Variants in CUBN observed in about 807,000 individuals in gnomAD.
CUBN encodes the protein cubilin, also known as 460 kDa receptor.
Under a neutral mutation model 405.3 loss-of-function variants are expected in CUBN, and 282 were observed. The ratio of observed to expected loss-of-function variants is 0.70; its 90% CI spans 0.63 to 0.77. CUBN has a LOEUF of 0.77. Ranked by LOEUF, CUBN falls within the 30% of genes least tolerant of loss-of-function variation. The probability of loss-of-function intolerance (pLI) is 0.00; values close to 1 mark genes in which losing one functional copy is unlikely to be tolerated. For missense variants in CUBN, 4,514 were observed against 4,475.2 expected (o/e 1.01, Z -0.25); for synonymous variants, 1,684 against 1,617.0 (o/e 1.04, Z -0.99).
intron 6 of CUBN, among the ~76,000 whole-genome samples, chr10:17,117,304 C>T (rs908130618): frequency 6.6e-6 from 1 of 152,158 alleles, no homozygotes; most frequent in Non-Finnish European, 1.5e-5. Context: ...ATCCAGGAGA[C>T]TTCATTACTA....
At chr10:16,997,492 A>G (rs2131731458) in intron 28 of CUBN, among the ~76,000 whole-genome samples, 1 of 151,780 alleles carries the variant, frequency 6.6e-6, no homozygotes, top group East Asian at 1.9e-4. Context: ...AGAAACTGCC[A>G]GCAAGGACCC....
chr10:16,897,850 G>A (rs965263993), intron 54 of CUBN, among the ~76,000 whole-genome samples: 14 of 152,070 alleles, frequency 9.2e-5, no homozygotes, highest in Non-Finnish European at 1.5e-4. Flanking sequence ...CGGCAGCAGC[G>A]TTGGGCTTGC....
chr10:17,028,335 G>A lies in CUBN; in HGVS notation c.4018-8352C>T, dbSNP rs1377589433. On this transcript the variant is annotated intron_variant, in intron 27 of 66. Transcript: ENST00000377833. Reference sequence around the variant, plus strand: ...AGAAGAACCTGGTTCATAGAACAACGTGAAATCATAGACCTTTGAGCTGGA... The same window carrying A: ...AGAAGAACCTGGTTCATAGAACAACATGAAATCATAGACCTTTGAGCTGGA... Among the ~76,000 whole-genome samples, 3 of 151,954 alleles carry A rather than the reference G, an allele frequency of 2.0e-5. No homozygotes were observed. In the East Asian group the frequency reaches 5.8e-4, roughly 29 times the overall value.
chr10:16,871,540 C>G (rs1292267687), intron 58 of CUBN, among the ~76,000 whole-genome samples: 1 of 151,678 alleles, frequency 6.6e-6, no homozygotes, highest in Non-Finnish European at 1.5e-5. Flanking sequence ...TGATGAGGAA[C>G]AAGATGAAAA....
intron 35 of CUBN, 116 bp from the exon 36 acceptor site, chr10:16,947,483 C>T (rs940248889): frequency 8.9e-7 from 1 of 1,126,798 alleles, no homozygotes; most frequent in East Asian, 2.5e-5. Context: ...ATAGTATTTC[C>T]ATCTCACATT....
At chr10:16,949,467 T>C (rs892757521) in intron 34 of CUBN, among the ~76,000 whole-genome samples, 4 of 141,122 alleles carry the variant, frequency 2.8e-5, no homozygotes, top group Non-Finnish European at 6.4e-5. Flanking sequence ...GTGTGTGTAG[T>C]GTGTGTGTGT....
At chr10:16,998,355 T>C (rs1299714588) in intron 28 of CUBN, among the ~76,000 whole-genome samples, 2 of 152,130 alleles carry the variant, frequency 1.3e-5, no homozygotes, top group African/African-American at 4.8e-5. Flanking sequence ...AGGTCATGTG[T>C]GGATAGAGGC....
chr10:16,908,705 CA>C (rs1158617744), intron 48 of CUBN, among the ~76,000 whole-genome samples: 116 of 151,430 alleles, frequency 7.7e-4, no homozygotes, highest in Non-Finnish European at 1.4e-3. Flanking sequence ...TTTCACAGTT[CA>C]AAAAAAATCT....
intron 25 of CUBN, 59 bp from the exon 26 acceptor site, chr10:17,044,042 T>C: frequency 1.4e-6 from 2 of 1,388,300 alleles, no homozygotes; most frequent in South Asian, 2.4e-5. Flanking sequence ...TGTAAAGGAC[T>C]ATAATCCAGA....
intron 60 of CUBN, among the ~76,000 whole-genome samples, chr10:16,850,008 A>G (rs923016136): frequency 1.3e-5 from 2 of 152,162 alleles, no homozygotes; most frequent in African/African-American, 2.4e-5. Flanking sequence ...CTGCTTCAAC[A>G]CAGCCAGCCT....
At chr10:17,096,576 C>G (rs1267360241) in intron 14 of CUBN, among the ~76,000 whole-genome samples, 1 of 151,930 alleles carries the variant, frequency 6.6e-6, no homozygotes, top group Non-Finnish European at 1.5e-5. Flanking sequence ...CTATAACTTT[C>G]TGACTAAGTA....
intron 66 of CUBN, among the ~76,000 whole-genome samples, chr10:16,826,680 C>T (rs1190769582): frequency 1.3e-5 from 2 of 152,154 alleles, no homozygotes; most frequent in African/African-American, 2.4e-5. Flanking sequence ...GATGTTATCT[C>T]GCTATATACT....
intron 59 of CUBN, among the ~76,000 whole-genome samples, chr10:16,859,217 A>G (rs1470355095): frequency 6.6e-6 from 1 of 152,220 alleles, no homozygotes; most frequent in Non-Finnish European, 1.5e-5. Context: ...ACATTTGCAA[A>G]CCACATACTG....
At chr10:16,843,017 T>C (rs1454946684) in intron 60 of CUBN, among the ~76,000 whole-genome samples, 3 of 152,236 alleles carry the variant, frequency 2.0e-5, no homozygotes, top group African/African-American at 7.2e-5. Context: ...CATAGCATCA[T>C]CCTGTTTTAT....
rs1052001074 is a variant in CUBN at position 16,878,964 on chromosome 10, G to A, written c.8906-1867C>T. Among the ~76,000 whole-genome samples, 5 of 152,318 alleles carry A rather than the reference G, an allele frequency of 3.3e-5. No homozygotes were observed. In the South Asian group the frequency reaches 6.2e-4, roughly 19 times the overall value. Reference sequence around the variant, plus strand: ...GCACATGTTGTTTATCTATTCATCAGTTGACAGACATTTGGTTTGTTTCCA... The same window carrying A: ...GCACATGTTGTTTATCTATTCATCAATTGACAGACATTTGGTTTGTTTCCA... On this transcript the variant is annotated intron_variant, in intron 56 of 66. Transcript: ENST00000377833.
At chr10:17,093,464 T>C (rs897679478) in intron 14 of CUBN, among the ~76,000 whole-genome samples, 2 of 152,122 alleles carry the variant, frequency 1.3e-5, no homozygotes, top group African/African-American at 4.8e-5. Context: ...CTAGGAAATA[T>C]GGCAATCCAC....
chr10:17,100,308 C>T, intron 13 of CUBN, 69 bp from the exon 14 acceptor site: 3 of 1,070,182 alleles, frequency 2.8e-6, no homozygotes, highest in Admixed American at 1.9e-5. Flanking sequence ...TCTCCCACTT[C>T]CTAGGCAGCA....
At chr10:16,983,974 T>C (rs986728284) in intron 30 of CUBN, 131 bp downstream of exon 30, 2 of 955,054 alleles carry the variant, frequency 2.1e-6, no homozygotes, top group African/African-American at 1.6e-5. Context: ...ATATGTCAGG[T>C]CTCAGTAGGC....
intron 57 of CUBN, among the ~76,000 whole-genome samples, chr10:16,875,723 T>C (rs534763321): frequency 6.6e-6 from 1 of 152,328 alleles, no homozygotes; most frequent in African/African-American, 2.4e-5. Flanking sequence ...ATATCAGCAT[T>C]TGAAGTCTTC....
Sources: allele counts gnomAD v4.1 joint callset (sites outside exome capture counted in the v4.1 genomes callset), GRCh38; gene constraint gnomAD v4.1.1; transcripts MANE v1.5; gene names NCBI Gene and HGNC (gene_info 2026-07-23, HGNC 2026-07-21).